IL18RAP: variants seen among roughly 807,000 people sequenced by gnomAD.
IL18RAP encodes interleukin-18 receptor accessory protein.
A neutral mutation model predicts 58.1 loss-of-function variants in IL18RAP; 37 were observed. The observed-to-expected ratio is 0.64, with a 90% CI of 0.49 to 0.84. The LOEUF (loss-of-function observed/expected upper bound fraction) is 0.84, where lower values mean the gene tolerates loss of function less well. IL18RAP is among the 40% of genes least tolerant of loss of function. IL18RAP has a pLI of 0.00. For synonymous variants in IL18RAP, 268 were observed against 257.5 expected, an observed-to-expected ratio of 1.04 and a Z score of -0.39; for missense variants, 667 against 704.8, an observed-to-expected ratio of 0.95 and a Z score of 0.61.
At chr2:102,420,030 T>C (rs188749410), upstream of IL18RAP, among the ~76,000 whole-genome samples, 454 of 152,354 alleles carry the variant, frequency 3.0e-3, 3 homozygotes, top group African/African-American at 0.01. Context: ...CGGTGAAGCA[T>C]TTTAGTGACG....
chr2:102,451,084 T>G, intron 9 of IL18RAP, 63 bp downstream of exon 9: 2 of 1,328,648 alleles, frequency 1.5e-6, no homozygotes, highest in Non-Finnish European at 2.0e-6. Flanking sequence ...AATCCCCAAG[T>G]CTTTTTTGTC....
At chr2:102,431,212 G>T (rs1449321331) in intron 3 of IL18RAP, among the ~76,000 whole-genome samples, 1 of 151,970 alleles carries the variant, frequency 6.6e-6, no homozygotes. Context: ...GTTTGTTTGG[G>T]TTTTTTTCCT....
chr2:102,426,858 C>T (rs960608915), intron 3 of IL18RAP, among the ~76,000 whole-genome samples: 2 of 152,022 alleles, frequency 1.3e-5, no homozygotes, highest in African/African-American at 2.4e-5. Context: ...CTTAACTCCT[C>T]CCATCTATCT....
upstream of IL18RAP, among the ~76,000 whole-genome samples, chr2:102,420,075 C>G (rs767808271): frequency 1.3e-5 from 2 of 152,160 alleles, no homozygotes; most frequent in African/African-American, 4.8e-5. Context: ...CATTAGATGG[C>G]CTTCAAAAGG....
At chr2:102,438,384 C>T (rs1276667602) in intron 4 of IL18RAP, among the ~76,000 whole-genome samples, 7 of 152,190 alleles carry the variant, frequency 4.6e-5, no homozygotes, top group Admixed American at 4.6e-4. Context: ...ACCCCAAGAC[C>T]AAGTGAAACT....
chr2:102,428,702 C>A (rs994884695), intron 3 of IL18RAP, among the ~76,000 whole-genome samples: 1 of 151,934 alleles, frequency 6.6e-6, no homozygotes, highest in African/African-American at 2.4e-5. Context: ...TTATTTGTTT[C>A]TCTTGCCTAA....
upstream of IL18RAP, among the ~76,000 whole-genome samples, chr2:102,421,317 T>G (rs1681563591): frequency 6.6e-6 from 1 of 152,132 alleles, no homozygotes. Context: ...AGGGAACGAC[T>G]CTCTGAGGAA....
intron 8 of IL18RAP, among the ~76,000 whole-genome samples, chr2:102,449,319 A>T (rs767142363): frequency 6.6e-6 from 1 of 152,228 alleles, no homozygotes; most frequent in Non-Finnish European, 1.5e-5. Context: ...TAAACTTACT[A>T]TAGAGAATAC....
Position 102,447,143 on chromosome 2 carries a change from C to T in IL18RAP, c.1146C>T (p.Tyr382=). The T allele has an allele frequency of 6.2e-7, 1 of 1,614,136 alleles. No individual in the cohort carries two copies. Among genetic ancestry groups the T allele is most frequent in the Non-Finnish European group, 8.5e-7 (1 of 1,180,006 alleles). The change falls in exon 8 of 10, where the codon TAC becomes TAT. Residue 382 remains tyrosine, a synonymous_variant. Transcript: ENST00000687160. The part of the protein sequence containing the change: ...VAVLAASALL[Y]RHWIEIVLLY... ...TGCTGGCGGCGAGTGCCCTCCTCTA[C>T]AGGCACTGGATTGAAATAGTGCTGC...
In IL18RAP at chr2:102,447,121, T is replaced by C; in HGVS notation, c.1124T>C (p.Leu375Pro). The C allele has an allele frequency of 6.2e-7, 1 of 1,614,154 alleles. No homozygotes were observed. Among genetic ancestry groups the C allele is most frequent in the Non-Finnish European group, 8.5e-7 (1 of 1,180,014 alleles). ...ACCATCGGGACCCTGGTGGCCGTGC[T>C]GGCGGCGAGTGCCCTCCTCTACAGG... is the stretch of plus-strand genomic sequence containing the variant. ...LGTIGTLVAV[L>P]AASALLYRHW... Residue 375 changes from leucine (L) to proline (P), a missense_variant, in exon 8 of 10, where the codon CTG becomes CCG. Coordinates refer to ENST00000687160, the MANE Select transcript of IL18RAP (RefSeq NM_001393487.1).
chr2:102,431,664 C>T (rs780928941), intron 3 of IL18RAP, among the ~76,000 whole-genome samples: 1 of 151,954 alleles, frequency 6.6e-6, no homozygotes, highest in Non-Finnish European at 1.5e-5. Flanking sequence ...CTTTCTTCTG[C>T]TTAATCAAAT....
chr2:102,423,283 C>T lies in IL18RAP; in HGVS notation c.6C>T (p.Leu2=), dbSNP rs11465687. 6.2e-3 allele frequency: 10,035 copies of T among 1,613,882 alleles called. 517 individuals are homozygous for T. In the African/African-American group the frequency reaches 0.12, roughly 19 times the overall value. The change falls in exon 1 of 10, where the codon CTC becomes CTT. Residue 2 remains leucine, a synonymous_variant. Transcript: ENST00000687160. Reference sequence around the variant, plus strand: ...GACAGGAACACGGGAGAACAATGCTCTGTTTGGGCTGGATATTTCTTTGGC... The same window carrying T: ...GACAGGAACACGGGAGAACAATGCTTTGTTTGGGCTGGATATTTCTTTGGC... M[L]CLGWIFLWLV...
intron 6 of IL18RAP, among the ~76,000 whole-genome samples, 157 bp from the exon 7 acceptor site, chr2:102,445,032 C>T (rs1044147188): frequency 6.6e-6 from 1 of 152,066 alleles, no homozygotes; most frequent in African/African-American, 2.4e-5. Context: ...CAAGAATGAG[C>T]CCTTTTTGAC....
At chr2:102,445,434 T>A in intron 7 of IL18RAP, 94 bp downstream of exon 7, 2 of 1,283,102 alleles carry the variant, frequency 1.6e-6, no homozygotes, top group Non-Finnish European at 1.1e-6. Context: ...TGACAGCGAT[T>A]ACATTTTCTA....
intron 7 of IL18RAP, among the ~76,000 whole-genome samples, chr2:102,445,807 A>G (rs1340633912): frequency 7.4e-6 from 1 of 135,508 alleles, no homozygotes; most frequent in Non-Finnish European, 1.6e-5. Flanking sequence ...GTGTGTGTAT[A>G]TCACGGATAT....
In IL18RAP at chr2:102,450,727, T is replaced by G. The variant is rs895610646; in HGVS notation, c.1211-121T>G. 3.7e-5 allele frequency: 20 copies of G among 544,702 alleles called. No homozygotes were observed. The Admixed American group carries it at 3.7e-4, about 10-fold the overall frequency. The allele number at this position is 544,702 out of a possible 1,614,324, so 33.7% of individuals were successfully genotyped here. ...AAATGAATTTTTAAAATCAATTTAG[T>G]CAGGATCCCAAATATTATTTCTTAT... On this transcript the variant is annotated intron_variant, in intron 8 of 9. Transcript: ENST00000687160.
chr2:102,438,931 G>C (rs951161919), intron 4 of IL18RAP: 1 of 152,306 alleles, frequency 6.6e-6, no homozygotes, highest in Non-Finnish European at 1.5e-5. Context: ...GACCCAACCT[G>C]GGGAAGCCCG....
At chr2:102,425,365 G>A (rs1681873883) in intron 3 of IL18RAP, among the ~76,000 whole-genome samples, 1 of 152,106 alleles carries the variant, frequency 6.6e-6, no homozygotes, top group African/African-American at 2.4e-5. Context: ...CATGGTAAGA[G>A]GAAACATTTC....
At chr2:102,451,736 A>G in intron 9 of IL18RAP, 30 bp from the exon 10 acceptor site, 12 of 1,574,232 alleles carry the variant, frequency 7.6e-6, no homozygotes, top group Non-Finnish European at 1.0e-5. Context: ...AACAATATCC[A>G]TTGCAAATAA....
Sources: gnomAD v4.1 joint callset for allele counts (sites outside exome capture counted in the v4.1 genomes callset) on GRCh38, gnomAD v4.1.1 for gene constraint, MANE v1.5 for transcripts, NCBI Gene and HGNC (gene_info 2026-07-23, HGNC 2026-07-21) for gene names.